Variants in AP2B1 observed in about 807,000 individuals in gnomAD.
The protein encoded by AP2B1 is adaptor related protein complex 2 subunit beta 1, also known as AP-2 complex subunit beta.
In AP2B1, 23 loss-of-function variants were observed where a neutral mutation model predicts 102.0. The observed-to-expected ratio is 0.23, with a 90% CI of 0.16 to 0.32. AP2B1 has a LOEUF of 0.32. Ranked by LOEUF, AP2B1 falls within the 10% of genes least tolerant of loss-of-function variation. The pLI is 1.00. For missense variants in AP2B1, 541 were observed against 1,157.4 expected, an observed-to-expected ratio of 0.47 and a Z score of 7.73; for synonymous variants, 381 against 421.2, an observed-to-expected ratio of 0.90 and a Z score of 1.17.
chr17:35,626,496 G>A, intron 6 of AP2B1, 125 bp from the exon 7 acceptor site: 1 of 818,754 alleles, frequency 1.2e-6, no homozygotes, highest in South Asian at 1.8e-5. Context: ...ATGGAGCTTT[G>A]ACTTTTCTAA....
intron 13 of AP2B1, among the ~76,000 whole-genome samples, chr17:35,657,221 TG>T (rs2075251459): frequency 1.3e-5 from 2 of 152,234 alleles, no homozygotes; most frequent in African/African-American, 4.8e-5. Flanking sequence ...TTATTCATTT[TG>T]TAAATGCTGA....
Position 35,718,312 on chromosome 17 carries a change from CTGTGTGTGTG to C in AP2B1, c.2781+1000_2781+1009del, listed in dbSNP as rs57852031. ...CCATCCTTGTAGTAAGTTGGAGTAGCTGTGTGTGTGTGTGTGTGTGTGTGTGTGTGTGTGT... is the reference window on the plus strand; with the variant it reads ...CCATCCTTGTAGTAAGTTGGAGTAGCTGTGTGTGTGTGTGTGTGTGTGTGT... On this transcript the variant is annotated intron_variant, in intron 21 of 21. Coordinates refer to ENST00000610402, the MANE Select transcript of AP2B1 (RefSeq NM_001030006.2). Among the ~76,000 whole-genome samples the C allele has an allele frequency of 3.5e-3, 481 of 139,340 alleles. 2 individuals carry two copies. Among genetic ancestry groups the C allele is most frequent in the African/African-American group, 0.011 (405 of 37,430 alleles). 91.4% of individuals were successfully genotyped at this position (139,340 alleles called of 152,430 possible). A position where few individuals can be genotyped will look rare whatever the true frequency, so the allele number is the denominator to read the frequency against.
chr17:35,715,893 C>G (rs1393082185), intron 20 of AP2B1, among the ~76,000 whole-genome samples: 1 of 152,158 alleles, frequency 6.6e-6, no homozygotes, highest in Non-Finnish European at 1.5e-5. Flanking sequence ...TTAGTGCCTC[C>G]TCTCCTGAGC....
chr17:35,598,877 C>T (rs1012107507), intron 3 of AP2B1, among the ~76,000 whole-genome samples: 1 of 152,136 alleles, frequency 6.6e-6, no homozygotes, highest in East Asian at 1.9e-4. Context: ...TCGGGGGGTC[C>T]GTGAGGTCAA....
intron 5 of AP2B1, among the ~76,000 whole-genome samples, chr17:35,616,669 T>C (rs1037811810): frequency 6.6e-6 from 1 of 152,214 alleles, no homozygotes; most frequent in Non-Finnish European, 1.5e-5. Flanking sequence ...TCAACACTAA[T>C]GTCCTTTCGC....
intron 14 of AP2B1, among the ~76,000 whole-genome samples, chr17:35,664,622 T>G (rs1488619495): frequency 6.6e-6 from 1 of 152,188 alleles, no homozygotes; most frequent in Non-Finnish European, 1.5e-5. Context: ...AGCCATAAAT[T>G]TATATTTACG....
At chr17:35,609,487 C>T (rs532011668) in intron 5 of AP2B1, among the ~76,000 whole-genome samples, 1 of 152,186 alleles carries the variant, frequency 6.6e-6, no homozygotes, top group African/African-American at 2.4e-5. Context: ...GCTGGGACTA[C>T]AGGCGCCTGC....
chr17:35,628,308 A>C (rs2074370928), intron 9 of AP2B1, among the ~76,000 whole-genome samples: 1 of 152,166 alleles, frequency 6.6e-6, no homozygotes, highest in Non-Finnish European at 1.5e-5. Context: ...CATATCTCTA[A>C]ATAATATTCT....
chr17:35,630,960 G>A (rs915230285), intron 9 of AP2B1, among the ~76,000 whole-genome samples: 1 of 152,208 alleles, frequency 6.6e-6, no homozygotes, highest in Non-Finnish European at 1.5e-5. Flanking sequence ...ATTGGACCAG[G>A]AGAGGCAATG....
At chr17:35,640,232 T>TA in intron 11 of AP2B1, among the ~76,000 whole-genome samples, 1 of 26,244 alleles carries the variant, frequency 3.8e-5, no homozygotes, top group African/African-American at 3.1e-4. Flanking sequence ...TACTGATTTT[T>TA]TTTTTTTTTT....
chr17:35,648,524 GCATACATACATA>G (rs71366470), intron 12 of AP2B1, among the ~76,000 whole-genome samples: 10 of 150,060 alleles, frequency 6.7e-5, no homozygotes, highest in South Asian at 4.3e-4. Context: ...CAAAATACAT[GCATACATACATA>G]CATACATACA....
intron 2 of AP2B1, chr17:35,596,908 G>A: frequency 1.4e-6 from 1 of 706,518 alleles, no homozygotes; most frequent in South Asian, 1.3e-5. Flanking sequence ...TCTGCATGAA[G>A]GAGATAACCC....
intron 17 of AP2B1, among the ~76,000 whole-genome samples, chr17:35,682,334 C>CTTTTTTT (rs587645888): frequency 2.2e-4 from 16 of 72,072 alleles, no homozygotes; most frequent in Non-Finnish European, 3.4e-4. Context: ...AATCCTGCCT[C>CTTTTTTT]TTTTTTTTTT....
chr17:35,670,978 A>G, intron 15 of AP2B1, 80 bp downstream of exon 15: 1 of 1,444,450 alleles, frequency 6.9e-7, no homozygotes, highest in African/African-American at 1.4e-5. Flanking sequence ...TTATCAGACC[A>G]GCCACTGCTG....
intron 14 of AP2B1, among the ~76,000 whole-genome samples, chr17:35,666,865 A>G (rs781421872): frequency 1.3e-4 from 20 of 152,172 alleles, no homozygotes; most frequent in African/African-American, 4.6e-4. Flanking sequence ...GCTGGGTGCA[A>G]TGATTCATAC....
chr17:35,701,169 G>T (rs200646489), intron 18 of AP2B1, among the ~76,000 whole-genome samples: 2 of 37,540 alleles, frequency 5.3e-5, no homozygotes, highest in Non-Finnish European at 9.2e-5. Flanking sequence ...TTTACATAGT[G>T]TATACACACA....
At chr17:35,704,084 A>G (rs1247638206) in intron 18 of AP2B1, among the ~76,000 whole-genome samples, 1 of 152,176 alleles carries the variant, frequency 6.6e-6, no homozygotes, top group African/African-American at 2.4e-5. Flanking sequence ...TCCAACAACA[A>G]TATCATGCTC....
rs1193477478 is a variant in AP2B1 at position 35,725,506 on chromosome 17, T to G, written c.*1807T>G. On this transcript the variant is annotated 3_prime_UTR_variant, in exon 22 of 22. Coordinates refer to ENST00000610402, the MANE Select transcript of AP2B1 (RefSeq NM_001030006.2). ...GTGGGGAGCGGTCCCACAAAGCACTTTCTTAAACCTTGAGAATCTCCAAGA... is the reference window on the plus strand; with the variant it reads ...GTGGGGAGCGGTCCCACAAAGCACTGTCTTAAACCTTGAGAATCTCCAAGA... 6.6e-6 allele frequency: 1 copy of G among 152,152 alleles called. No individual in the cohort carries two copies. Among genetic ancestry groups the G allele is most frequent in the Non-Finnish European group, 1.5e-5 (1 of 68,032 alleles). The allele number at this position is 152,152 out of a possible 1,614,324, so 9.4% of individuals were successfully genotyped here.
intron 18 of AP2B1, among the ~76,000 whole-genome samples, chr17:35,705,543 A>G (rs150320519): frequency 0.01 from 1,526 of 152,062 alleles, 20 homozygotes; most frequent in African/African-American, 0.035. Flanking sequence ...TTTATTTGAG[A>G]TGGAGCCTTG....
Sources: gnomAD v4.1 joint callset for allele counts (sites outside exome capture counted in the v4.1 genomes callset) on GRCh38, gnomAD v4.1.1 for gene constraint, MANE v1.5 for transcripts, NCBI Gene and HGNC (gene_info 2026-07-23, HGNC 2026-07-21) for gene names.